Variants in PHF24 observed in about 807,000 individuals in gnomAD.
PHF24 encodes the protein Galpha inhibitory interacting protein.
In PHF24, 25 loss-of-function variants were observed where a neutral mutation model predicts 42.6. The ratio of observed to expected loss-of-function variants is 0.59; its 90% confidence interval spans 0.43 to 0.82. PHF24 has a LOEUF of 0.82. PHF24 is among the 40% of genes least tolerant of loss of function. PHF24 has a pLI of 0.00. For synonymous variants in PHF24, 185 were observed against 204.8 expected (o/e 0.90, Z 0.83); for missense variants, 470 against 538.1 (o/e 0.87, Z 1.25).
At chr9:34,684,442 C>A in the PHF24 span, among the ~76,000 whole-genome samples, 91 of 152,238 alleles carry the variant, frequency 6.0e-4, no homozygotes, top group Admixed American at 5.1e-3. Flanking sequence ...GATGGTGCCC[C>A]CTGGAGTTGT....
the PHF24 span, chr9:34,729,387 G>A: frequency 6.4e-7 from 1 of 1,551,320 alleles, no homozygotes; most frequent in South Asian, 1.2e-5. Flanking sequence ...GATGTATAAG[G>A]GATATCCAAC....
intron 2 of PHF24, 33 bp downstream of exon 2, chr9:34,971,709 CT>C (rs749107020): frequency 6.4e-7 from 1 of 1,566,464 alleles, no homozygotes; most frequent in South Asian, 1.2e-5. Context: ...ATCCTCAAGT[CT>C]TAGTGCATCA....
the PHF24 span, among the ~76,000 whole-genome samples, chr9:34,828,511 A>C: frequency 2.0e-5 from 3 of 151,800 alleles, no homozygotes; most frequent in African/African-American, 7.3e-5. Flanking sequence ...TCTGGAACAA[A>C]CCTCCTTGAA....
the PHF24 span, among the ~76,000 whole-genome samples, chr9:34,772,991 G>GTT: frequency 1.5e-4 from 21 of 136,804 alleles, no homozygotes; most frequent in East Asian, 2.1e-4. Context: ...TCAGAGTTCT[G>GTT]TTTTTTTTTT....
At chr9:34,936,024 T>A in the PHF24 span, among the ~76,000 whole-genome samples, 2 of 148,022 alleles carry the variant, frequency 1.4e-5, no homozygotes, top group African/African-American at 5.2e-5. Context: ...TCCCTCTCCC[T>A]CTCCCGCTCC....
the PHF24 span, among the ~76,000 whole-genome samples, chr9:34,717,579 C>T: frequency 1.3e-5 from 2 of 152,124 alleles, no homozygotes; most frequent in South Asian, 4.1e-4. Flanking sequence ...TTTAAGAGCA[C>T]ACAGCCACAT....
the PHF24 span, among the ~76,000 whole-genome samples, chr9:34,673,410 C>A: frequency 2.0e-5 from 3 of 152,138 alleles, no homozygotes; most frequent in African/African-American, 7.2e-5. Flanking sequence ...ACATTTCAAC[C>A]CCTGGATCCA....
the PHF24 span, among the ~76,000 whole-genome samples, chr9:34,781,014 C>T: frequency 6.6e-6 from 1 of 152,178 alleles, no homozygotes; most frequent in Non-Finnish European, 1.5e-5. Flanking sequence ...GAAACTAGAA[C>T]CTTTGCGCAT....
At chr9:34,924,839 C>G in the PHF24 span, among the ~76,000 whole-genome samples, 1 of 152,092 alleles carries the variant, frequency 6.6e-6, no homozygotes, top group Non-Finnish European at 1.5e-5. Context: ...TTTTGTATAT[C>G]TTTTGTTCCT....
upstream of PHF24, among the ~76,000 whole-genome samples, chr9:34,956,227 A>G (rs1387614633): frequency 2.6e-5 from 4 of 152,144 alleles, no homozygotes; most frequent in African/African-American, 9.7e-5. Flanking sequence ...TCTAGTTCTC[A>G]GCACAATGCC....
At chr9:34,760,863 G>A in the PHF24 span, among the ~76,000 whole-genome samples, 1 of 152,124 alleles carries the variant, frequency 6.6e-6, no homozygotes, top group African/African-American at 2.4e-5. Context: ...GTAGTGGCGA[G>A]CGCCTGTAGT....
the PHF24 span, chr9:34,723,789 G>A: frequency 1.5e-5 from 23 of 1,551,618 alleles, no homozygotes; most frequent in Non-Finnish European, 1.9e-5. Context: ...ATTGTCGCTG[G>A]TTCAAGGATG....
the PHF24 span, among the ~76,000 whole-genome samples, chr9:34,791,357 G>T: frequency 6.6e-6 from 1 of 152,300 alleles, no homozygotes; most frequent in South Asian, 2.1e-4. Context: ...GCCATTTACT[G>T]AGATGGGGGA....
At chr9:34,793,295 A>G in the PHF24 span, among the ~76,000 whole-genome samples, 1 of 152,164 alleles carries the variant, frequency 6.6e-6, no homozygotes. Flanking sequence ...CTCAAGAACC[A>G]TTGTCAACCC....
At chr9:34,853,776 C>T in the PHF24 span, among the ~76,000 whole-genome samples, 24 of 143,404 alleles carry the variant, frequency 1.7e-4, no homozygotes, top group Non-Finnish European at 2.6e-4. Context: ...TGCAGTGAGC[C>T]GAGATCCCGC....
At chr9:34,830,556 A>G in the PHF24 span, among the ~76,000 whole-genome samples, 2 of 152,294 alleles carry the variant, frequency 1.3e-5, no homozygotes, top group Admixed American at 6.5e-5. Context: ...TCGAAGGAAT[A>G]TGAGTATGAT....
At chr9:34,828,743 C>T in the PHF24 span, among the ~76,000 whole-genome samples, 1 of 152,252 alleles carries the variant, frequency 6.6e-6, no homozygotes, top group Admixed American at 6.5e-5. Context: ...GCTTTCAGTA[C>T]ACCACACTCT....
chr9:34,972,687 C>T (rs1056946820), intron 3 of PHF24, among the ~76,000 whole-genome samples, 156 bp downstream of exon 3: 2 of 152,154 alleles, frequency 1.3e-5, no homozygotes, highest in South Asian at 2.1e-4. Context: ...AGGCCAGTGC[C>T]GGAAGATCAC....
the PHF24 span, among the ~76,000 whole-genome samples, chr9:34,783,334 TA>T: frequency 6.6e-6 from 1 of 152,198 alleles, no homozygotes; most frequent in Admixed American, 6.5e-5. Context: ...TCCGGACTCT[TA>T]ATATTGAGAA....
Sources: gnomAD v4.1 joint callset for allele counts (sites outside exome capture counted in the v4.1 genomes callset) on GRCh38, gnomAD v4.1.1 for gene constraint, MANE v1.5 for transcripts, NCBI Gene and HGNC (gene_info 2026-07-23, HGNC 2026-07-21) for gene names.